GRIP1: variants seen among roughly 807,000 people sequenced by gnomAD.
GRIP1 encodes the protein glutamate receptor-interacting protein 1.
A neutral mutation model predicts 129.9 loss-of-function variants in GRIP1; 45 were observed. The observed-to-expected ratio is 0.35, with a 90% CI of 0.27 to 0.44. The LOEUF is 0.44. Among genes scored for constraint, GRIP1 ranks in the 20% least tolerant of loss-of-function variants. The pLI, the probability that GRIP1 is intolerant of heterozygous loss-of-function variation, is 1.00. For missense variants in GRIP1, 1,196 were observed against 1,396.8 expected, an observed-to-expected ratio of 0.86 and a Z score of 2.29; for synonymous variants, 530 against 520.8, an observed-to-expected ratio of 1.02 and a Z score of -0.24.
chr12:66,596,564 G>A (rs554008469), intron 2 of GRIP1, among the ~76,000 whole-genome samples: 6 of 152,304 alleles, frequency 3.9e-5, no homozygotes, highest in Admixed American at 6.5e-5. Context: ...AAAATGAGAT[G>A]AGAGTAAGTA....
rs1394781686 is a variant in GRIP1, at chr12:66,465,351, C to T, written c.796G>A (p.Ala266Thr). The change falls in exon 8 of 25, where the codon GCC (alanine) becomes ACC (threonine). Residue 266 changes from alanine to threonine, a missense_variant. Coordinates refer to ENST00000359742, the MANE Select transcript of GRIP1 (RefSeq NM_001366722.1). ...TTACAGCACATCGAGGTAGTTAGGG[C>T]AACCCCAAGGCTGGCACCAGGAGTT... is the stretch of plus-strand genomic sequence containing the variant. ...AKTPGASLGV[A>T]LTTSMCCNKQ... The T allele has an allele frequency of 1.9e-6, 3 of 1,613,720 alleles. No individual in the cohort carries two copies. The highest frequency in any genetic ancestry group is 1.7e-5 in the Admixed American group (1 of 60,006).
At chr12:66,893,335 G>A (rs2040693599) in intron 1 of GRIP1, among the ~76,000 whole-genome samples, 1 of 152,054 alleles carries the variant, frequency 6.6e-6, no homozygotes, top group African/African-American at 2.4e-5. Context: ...AGCCTCCCAG[G>A]CTCAAGAGAT....
intron 1 of GRIP1, among the ~76,000 whole-genome samples, chr12:67,010,497 G>C (rs996330017): frequency 6.6e-6 from 1 of 152,040 alleles, no homozygotes; most frequent in Non-Finnish European, 1.5e-5. Flanking sequence ...ACTATACTAC[G>C]AATTAACGAG....
rs183513110 is a variant in GRIP1 at position 66,455,390 on chromosome 12, T to C, written c.1354+19A>G. 1.5e-4 allele frequency: 246 copies of C among 1,611,204 alleles called. 1 individual carries two copies. The African/African-American group carries it at 2.9e-3, about 19-fold the overall frequency. On this transcript the variant is annotated intron_variant, in intron 11 of 24. Transcript: ENST00000359742. ...AGGTTTTTTCCAGGCCAAATGCCAT[T>C]GGCTGTCATTTCACTTACATGAGCT... is the stretch of plus-strand genomic sequence containing the variant.
At chr12:66,589,462 T>A (rs1476167213) in intron 2 of GRIP1, among the ~76,000 whole-genome samples, 1 of 152,112 alleles carries the variant, frequency 6.6e-6, no homozygotes, top group Non-Finnish European at 1.5e-5. Flanking sequence ...AAAGTGAAGT[T>A]TTGTGGTTGT....
At chr12:66,766,632 G>A (rs989888931) in intron 1 of GRIP1, among the ~76,000 whole-genome samples, 1 of 152,160 alleles carries the variant, frequency 6.6e-6, no homozygotes, top group Non-Finnish European at 1.5e-5. Flanking sequence ...TCGGAAGAGC[G>A]CTGCATGGGT....
intron 2 of GRIP1, among the ~76,000 whole-genome samples, chr12:66,562,392 T>C (rs1484837115): frequency 6.6e-6 from 1 of 152,188 alleles, no homozygotes; most frequent in Non-Finnish European, 1.5e-5. Flanking sequence ...TGCTCTGTTA[T>C]TGCCCCTTGG....
chr12:67,027,096 T>G (rs2042951970), intron 1 of GRIP1, among the ~76,000 whole-genome samples: 1 of 152,130 alleles, frequency 6.6e-6, no homozygotes, highest in Non-Finnish European at 1.5e-5. Flanking sequence ...CAACAGATCT[T>G]TCTTAAACAA....
At chr12:66,874,083 A>C (rs2040342133) in intron 1 of GRIP1, among the ~76,000 whole-genome samples, 1 of 152,132 alleles carries the variant, frequency 6.6e-6, no homozygotes, top group South Asian at 2.1e-4. Flanking sequence ...GTTTTAAGAT[A>C]CAGGTTCATC....
At chr12:66,434,348 C>T (rs2058238206) in intron 13 of GRIP1, among the ~76,000 whole-genome samples, 1 of 152,160 alleles carries the variant, frequency 6.6e-6, no homozygotes, top group Non-Finnish European at 1.5e-5. Context: ...CCATTTCCTC[C>T]CTCGACCAAG....
chr12:66,958,097 G>T (rs1445478848), intron 1 of GRIP1, among the ~76,000 whole-genome samples: 1 of 151,994 alleles, frequency 6.6e-6, no homozygotes, highest in South Asian at 2.1e-4. Context: ...CTCTTCAGTT[G>T]GTTCTTGTGT....
intron 1 of GRIP1, among the ~76,000 whole-genome samples, chr12:66,676,844 C>T (rs2034358056): frequency 1.3e-5 from 2 of 152,126 alleles, no homozygotes; most frequent in South Asian, 4.1e-4. Flanking sequence ...CTTAAGAAAA[C>T]AGCACCACAA....
chr12:66,541,918 T>A lies in GRIP1; in HGVS notation c.169A>T (p.Met57Leu), dbSNP rs1287179524. The part of the protein sequence containing the change: ...EFKGSTVVEL[M>L]KKEGTTLGLT... ...CCCAGGGTAGTGCCTTCCTTCTTCA[T>A]CAGCTCGACGACTGTGGAGCCCTTG... is the stretch of plus-strand genomic sequence containing the variant. The change falls in exon 3 of 25, where the codon ATG (methionine) becomes TTG (leucine). Residue 57 changes from methionine to leucine, a missense_variant. By Grantham distance (15) the Met-to-Leu change is conservative. This residue lies in a region of GRIP1 where 217 missense variants were observed against 224.8 expected (regional missense o/e 0.97). Coordinates refer to ENST00000359742, the MANE Select transcript of GRIP1 (RefSeq NM_001366722.1). 11 of 1,613,894 alleles carry A rather than the reference T, an allele frequency of 6.8e-6. No individual in the cohort carries two copies. Among genetic ancestry groups the A allele is most frequent in the Non-Finnish European group, 9.3e-6 (11 of 1,179,886 alleles).
intron 13 of GRIP1, among the ~76,000 whole-genome samples, chr12:66,443,032 C>G (rs2058513536): frequency 6.6e-6 from 1 of 152,200 alleles, no homozygotes; most frequent in Non-Finnish European, 1.5e-5. Context: ...ACAAGCATAT[C>G]TTTACTAATT....
intron 1 of GRIP1, among the ~76,000 whole-genome samples, chr12:66,893,329 T>C (rs2040693499): frequency 6.6e-6 from 1 of 152,286 alleles, no homozygotes; most frequent in Admixed American, 6.5e-5. Flanking sequence ...TCACACAGCC[T>C]CCCAGGCTCA....
intron 2 of GRIP1, among the ~76,000 whole-genome samples, chr12:66,572,120 G>A (rs961848788): frequency 6.6e-6 from 1 of 152,194 alleles, no homozygotes; most frequent in Non-Finnish European, 1.5e-5. Flanking sequence ...TCAACAGAAA[G>A]TTTATATTTA....
chr12:66,973,824 G>T (rs1355682856), intron 1 of GRIP1, among the ~76,000 whole-genome samples: 1 of 151,516 alleles, frequency 6.6e-6, no homozygotes, highest in Non-Finnish European at 1.5e-5. Context: ...TGTAATCCAG[G>T]CATTAAAATT....
chr12:66,541,772 C>T (rs771732517), intron 3 of GRIP1, 43 bp downstream of exon 3: 33 of 1,597,178 alleles, frequency 2.1e-5, no homozygotes, highest in East Asian at 1.1e-4. Flanking sequence ...GAATTAATTA[C>T]ACCCTGTGTT....
At chr12:66,524,168 C>G (rs2061134333) in intron 5 of GRIP1, among the ~76,000 whole-genome samples, 1 of 152,096 alleles carries the variant, frequency 6.6e-6, no homozygotes, top group Non-Finnish European at 1.5e-5. Flanking sequence ...CAGCTCTGCA[C>G]CAAGTGGACC....
Sources: allele counts gnomAD v4.1 joint callset (sites outside exome capture counted in the v4.1 genomes callset), GRCh38; gene constraint gnomAD v4.1.1; regional missense constraint gnomAD v4.1.1; transcripts MANE v1.5; gene names NCBI Gene and HGNC (gene_info 2026-07-23, HGNC 2026-07-21).